CAST: variants seen among roughly 807,000 people sequenced by gnomAD.
CAST encodes the protein MIR583 host.
Under a neutral mutation model 119.6 loss-of-function variants are expected in CAST, and 76 were observed. The ratio of observed to expected loss-of-function variants is 0.64; its 90% CI spans 0.53 to 0.77. The LOEUF is 0.77. Among genes scored for constraint, CAST ranks in the 30% least tolerant of loss-of-function variants. The pLI, the probability that CAST is intolerant of heterozygous loss-of-function variation, is 0.00. For synonymous variants in CAST, 319 were observed against 331.6 expected (o/e 0.96, Z 0.41); for missense variants, 953 against 946.5 (o/e 1.01, Z -0.09).
At chr5:96,035,199 T>C in the CAST span, among the ~76,000 whole-genome samples, 1 of 105,396 alleles carries the variant, frequency 9.5e-6, no homozygotes, top group Non-Finnish European at 1.9e-5. Flanking sequence ...AATAAGTATA[T>C]ATAAAAAATA....
the CAST span, among the ~76,000 whole-genome samples, chr5:96,080,454 C>A: frequency 6.6e-6 from 1 of 152,094 alleles, no homozygotes; most frequent in Non-Finnish European, 1.5e-5. Flanking sequence ...TTTGGCAGGG[C>A]AAATTGAGAG....
intron 3 of CAST, among the ~76,000 whole-genome samples, chr5:96,702,372 A>C (rs1311028206): frequency 6.6e-6 from 1 of 152,220 alleles, no homozygotes; most frequent in African/African-American, 2.4e-5. Context: ...AATATACTAT[A>C]ATATAAAGTA....
intron 25 of CAST, chr5:96,763,149 A>C: frequency 1.3e-6 from 1 of 780,426 alleles, no homozygotes; most frequent in Non-Finnish European, 2.4e-6. Context: ...ATTCCGTTTG[A>C]TGTAGCATCA....
chr5:96,452,548 G>A, the CAST span, among the ~76,000 whole-genome samples: 27,102 of 148,328 alleles, frequency 0.18, 2,695 homozygotes, highest in Middle Eastern at 0.27. Flanking sequence ...TGTAGATGAC[G>A]TGTTGATGGG....
chr5:96,634,036 C>T (rs1747855754), intron 1 of CAST, among the ~76,000 whole-genome samples: 1 of 152,172 alleles, frequency 6.6e-6, no homozygotes, highest in African/African-American at 2.4e-5. Flanking sequence ...CAATATGTCT[C>T]TGGGTTCAGT....
chr5:96,132,178 A>AAGGG, the CAST span, among the ~76,000 whole-genome samples: 2 of 152,088 alleles, frequency 1.3e-5, no homozygotes, highest in Non-Finnish European at 1.5e-5. Flanking sequence ...GTTTTGACAG[A>AAGGG]AGGGAGGGAG....
At chr5:96,577,493 TC>T (rs1746692885) in intron 1 of CAST, among the ~76,000 whole-genome samples, 1 of 152,218 alleles carries the variant, frequency 6.6e-6, no homozygotes, top group South Asian at 2.1e-4. Flanking sequence ...TTGAGACTTT[TC>T]CTTGTTTTTA....
chr5:96,202,838 T>C, the CAST span, among the ~76,000 whole-genome samples: 1 of 152,108 alleles, frequency 6.6e-6, no homozygotes, highest in South Asian at 2.1e-4. Flanking sequence ...AACTGAGATG[T>C]ATTTGTTGAA....
chr5:96,543,637 CT>C (rs1258320064), intron 1 of CAST, among the ~76,000 whole-genome samples: 2 of 152,088 alleles, frequency 1.3e-5, no homozygotes, highest in Non-Finnish European at 1.5e-5. Flanking sequence ...ATAGTCTGTG[CT>C]TTTGGTGTAT....
upstream of CAST, among the ~76,000 whole-genome samples, chr5:96,659,788 C>T (rs1748220222): frequency 6.6e-6 from 1 of 152,114 alleles, no homozygotes; most frequent in South Asian, 2.1e-4. Flanking sequence ...CCTCAGTCTC[C>T]CAAAGTGCTA....
At chr5:96,378,835 G>T in the CAST span, among the ~76,000 whole-genome samples, 1 of 151,934 alleles carries the variant, frequency 6.6e-6, no homozygotes, top group Admixed American at 6.6e-5. Context: ...AAACTAACAT[G>T]TATTATTTAA....
At chr5:96,211,181 A>C in the CAST span, among the ~76,000 whole-genome samples, 1 of 151,964 alleles carries the variant, frequency 6.6e-6, no homozygotes, top group African/African-American at 2.4e-5. Context: ...ATTGTATTGA[A>C]TAGAACTTCC....
chr5:96,116,208 C>T, the CAST span, among the ~76,000 whole-genome samples: 2 of 152,160 alleles, frequency 1.3e-5, no homozygotes, highest in South Asian at 4.2e-4. Context: ...ATATGATAGT[C>T]TTCTTAGTCT....
At chr5:96,160,849 TC>T in the CAST span, among the ~76,000 whole-genome samples, 2 of 152,334 alleles carry the variant, frequency 1.3e-5, no homozygotes, top group East Asian at 1.9e-4. Flanking sequence ...GATTGGTATT[TC>T]CCCCAATGAT....
the CAST span, among the ~76,000 whole-genome samples, chr5:96,411,562 G>C: frequency 6.6e-6 from 1 of 152,198 alleles, no homozygotes; most frequent in East Asian, 1.9e-4. Flanking sequence ...CCAAGTGACA[G>C]AGCAATCCAA....
At chr5:96,051,050 A>G in the CAST span, among the ~76,000 whole-genome samples, 1 of 152,008 alleles carries the variant, frequency 6.6e-6, no homozygotes, top group Non-Finnish European at 1.5e-5. Flanking sequence ...GCCCTATTCT[A>G]AATTAACTTA....
At chr5:96,767,004 C>T (rs1270369662) in intron 27 of CAST, among the ~76,000 whole-genome samples, 1 of 152,178 alleles carries the variant, frequency 6.6e-6, no homozygotes, top group East Asian at 1.9e-4. Context: ...TACCAACTCA[C>T]CCTGCTTGCG....
chr5:96,486,436 G>A, the CAST span, among the ~76,000 whole-genome samples: 1 of 152,164 alleles, frequency 6.6e-6, no homozygotes, highest in African/African-American at 2.4e-5. Context: ...ACTAGGTAGA[G>A]TTTTGGCCTC....
Position 96,742,736 on chromosome 5 carries a change from T to C in CAST, c.1180T>C (p.Ser394Pro), listed in dbSNP as rs200811625. Reference sequence around the variant, plus strand: ...AGCAGAACCTGAGCTCGACCTCCGCTCAATTAAGGAAGTCGATGAGGTACT... The same window carrying C: ...AGCAGAACCTGAGCTCGACCTCCGCCCAATTAAGGAAGTCGATGAGGTACT... ...RQAEPELDLR[S>P]IKEVDEAKAK... is the part of the protein sequence containing the mutation. Residue 394 changes from serine (S) to proline (P), a missense_variant, in exon 16 of 32, where the codon TCA (serine) becomes CCA (proline). Physicochemically the swap from Ser to Pro is moderately conservative, Grantham distance 74. Transcript: ENST00000675179. 6.2e-7 allele frequency: 1 copy of C among 1,613,490 alleles called. No homozygotes were observed. The highest frequency in any genetic ancestry group is 8.5e-7 in the Non-Finnish European group (1 of 1,179,442).
Sources: gnomAD v4.1 joint callset for allele counts (sites outside exome capture counted in the v4.1 genomes callset) on GRCh38, gnomAD v4.1.1 for gene constraint, MANE v1.5 for transcripts, NCBI Gene and HGNC (gene_info 2026-07-23, HGNC 2026-07-21) for gene names.